The following FGD3 variants were observed in gnomAD, a reference collection of about 807,000 sequenced individuals.
FGD3 encodes the protein FYVE, RhoGEF and PH domain-containing protein 3.
FGD3 carries 45 observed loss-of-function variants against 71.8 expected under a neutral mutation model. That is an observed-to-expected ratio of 0.63 (90% CI 0.49 to 0.80). The LOEUF (loss-of-function observed/expected upper bound fraction) is 0.80, where lower values mean the gene tolerates loss of function less well. Ranked by LOEUF, FGD3 falls within the 30% of genes least tolerant of loss-of-function variation. The pLI is 0.00. For missense variants in FGD3, 844 were observed against 951.5 expected, an observed-to-expected ratio of 0.89 and a Z score of 1.49; for synonymous variants, 378 against 392.8, an observed-to-expected ratio of 0.96 and a Z score of 0.44.
chr9:93,020,905 G>A (rs1038771704), intron 13 of FGD3, among the ~76,000 whole-genome samples: 2 of 152,236 alleles, frequency 1.3e-5, no homozygotes, highest in African/African-American at 4.8e-5. Flanking sequence ...CAGGCCCGTG[G>A]TCAGCGCCCA....
chr9:92,974,319 G>C (rs973803062), intron 1 of FGD3, among the ~76,000 whole-genome samples: 3 of 152,230 alleles, frequency 2.0e-5, no homozygotes, highest in African/African-American at 7.2e-5. Context: ...TGTGCTATGA[G>C]AAGAATGCAG....
chr9:93,013,122 C>G (rs905499776), intron 8 of FGD3, among the ~76,000 whole-genome samples: 13 of 152,334 alleles, frequency 8.5e-5, no homozygotes, highest in Non-Finnish European at 7.3e-5. Flanking sequence ...CTACCCTAGT[C>G]TGCTCCTCTA....
chr9:92,990,630 G>C (rs1165987942), intron 3 of FGD3, among the ~76,000 whole-genome samples: 1 of 152,190 alleles, frequency 6.6e-6, no homozygotes, highest in Admixed American at 6.5e-5. Flanking sequence ...TTATAATAAA[G>C]GGATGCTGAA....
intron 15 of FGD3, 146 bp downstream of exon 15, chr9:93,030,142 T>C (rs1862301061): frequency 3.4e-6 from 3 of 883,942 alleles, no homozygotes; most frequent in Admixed American, 2.9e-5. Context: ...TGGATATAGA[T>C]ACCCTTGAGT....
Position 93,034,668 on chromosome 9 carries a change from A to G in FGD3, c.1913A>G (p.Gln638Arg), listed in dbSNP as rs759215576. The change falls in exon 17 of 18, where the codon CAG (glutamine) becomes CGG (arginine). Residue 638 changes from glutamine (Q) to arginine (R), a missense_variant. Transcript: ENST00000375482. ...TCAGATCCCCAGGTGCTGCACCTGC[A>G]GGGAGGCAGCCAGGTACGTGTCCCC... ...PMSDPQVLHL[Q>R]GGSQDGRLPR... 3 of 1,612,826 alleles carry G rather than the reference A, an allele frequency of 1.9e-6. No individual in the cohort carries two copies. Among genetic ancestry groups the G allele is most frequent in the East Asian group, 2.2e-5 (1 of 44,830 alleles).
At chr9:93,013,165 C>T (rs111434167) in intron 8 of FGD3, among the ~76,000 whole-genome samples, 1 of 152,220 alleles carries the variant, frequency 6.6e-6, no homozygotes, top group African/African-American at 2.4e-5. Context: ...TGGTGCCCCC[C>T]ACACCCTGTG....
At position 93,013,840 on chromosome 9, in the gene FGD3, T is replaced by C; in HGVS notation, c.1036-12T>C. 2 of 1,612,334 alleles carry C rather than the reference T, an allele frequency of 1.2e-6. No homozygotes were observed. The highest frequency in any genetic ancestry group is 1.7e-6 in the Non-Finnish European group (2 of 1,179,314). On this transcript the variant is annotated splice_polypyrimidine_tract_variant and intron_variant, in intron 8 of 17. Transcript: ENST00000375482. ...ACAGACCTTTGGTGCCTGAGTCCCA[T>C]GTCTCTTGCAGGAGAAAATGCACAA...
intron 15 of FGD3, chr9:93,032,494 T>A: frequency 2.5e-6 from 1 of 400,948 alleles, no homozygotes; most frequent in South Asian, 4.2e-5. Flanking sequence ...GCTTGGTGGC[T>A]CTTCACACTC....
At chr9:92,948,156 T>G (rs754276535) in intron 1 of FGD3, among the ~76,000 whole-genome samples, 1 of 152,176 alleles carries the variant, frequency 6.6e-6, no homozygotes, top group Non-Finnish European at 1.5e-5. Context: ...ATAGTCTGCT[T>G]GAAAAAAAGA....
intron 1 of FGD3, among the ~76,000 whole-genome samples, chr9:92,970,024 C>T (rs569296342): frequency 1.3e-5 from 2 of 152,292 alleles, no homozygotes; most frequent in East Asian, 1.9e-4. Context: ...CCTTGCTCAC[C>T]TCAGGCGGCT....
At chr9:93,029,840 C>G in intron 14 of FGD3, 34 bp from the exon 15 acceptor site, 1 of 1,603,180 alleles carries the variant, frequency 6.2e-7, no homozygotes, top group Non-Finnish European at 8.5e-7. Context: ...ACACATGATT[C>G]AGAAGCTGAT....
At chr9:92,992,953 G>A (rs753086442) in intron 3 of FGD3, among the ~76,000 whole-genome samples, 9 of 152,190 alleles carry the variant, frequency 5.9e-5, no homozygotes, top group Non-Finnish European at 8.8e-5. Flanking sequence ...CTATCTGGTT[G>A]GAGGGAGATG....
At chr9:92,949,133 A>C (rs1587805351) in intron 1 of FGD3, among the ~76,000 whole-genome samples, 1 of 152,146 alleles carries the variant, frequency 6.6e-6, no homozygotes, top group Non-Finnish European at 1.5e-5. Flanking sequence ...AGGGGGTCAC[A>C]CATGATCTGG....
chr9:93,006,412 G>A (rs1348514893), intron 6 of FGD3, among the ~76,000 whole-genome samples: 2 of 152,170 alleles, frequency 1.3e-5, no homozygotes, highest in African/African-American at 4.8e-5. Context: ...CATTCCCATC[G>A]GAAAATCGTG....
chr9:93,010,197 AT>A (rs1861255026), intron 6 of FGD3, 48 bp from the exon 7 acceptor site: 1 of 1,547,930 alleles, frequency 6.5e-7, no homozygotes, highest in Non-Finnish European at 8.8e-7. Context: ...TGGGGCTGGC[AT>A]CCACACACGT....
In FGD3 at chr9:92,976,556, A is replaced by G; in HGVS notation, c.300A>G (p.Pro100=). ...FPCEEGLEAG[P]SPTVLGAHAE... The stretch of plus-strand genomic sequence containing the variant: ...GCGAGGAGGGCTTGGAGGCTGGCCC[A>G]AGCCCCACTGTACTGGGGGCGCACG... Residue 100 remains proline (P), a synonymous_variant, in exon 3 of 18, where the codon CCA becomes CCG. Coordinates refer to ENST00000375482, the MANE Select transcript of FGD3 (RefSeq NM_001083536.2). The G allele has an allele frequency of 2.5e-6, 4 of 1,612,618 alleles. No individual in the cohort carries two copies. The highest frequency in any genetic ancestry group is 3.4e-6 in the Non-Finnish European group (4 of 1,179,868).
At chr9:92,968,400 G>A (rs1446236944) in intron 1 of FGD3, among the ~76,000 whole-genome samples, 1 of 151,826 alleles carries the variant, frequency 6.6e-6, no homozygotes, top group Admixed American at 6.6e-5. Flanking sequence ...CCTCTCCGAG[G>A]CCCCTCTGAC....
intron 6 of FGD3, among the ~76,000 whole-genome samples, chr9:93,006,615 T>C (rs913097934): frequency 6.6e-6 from 1 of 152,242 alleles, no homozygotes; most frequent in African/African-American, 2.4e-5. Flanking sequence ...TTGTCTCCTA[T>C]AGGGCTGGTC....
In FGD3 at chr9:93,020,297, T is replaced by G; in HGVS notation, c.1387-20T>G. 6.2e-7 allele frequency: 1 copy of G among 1,601,558 alleles called. No individual in the cohort carries two copies. Among genetic ancestry groups the G allele is most frequent in the Non-Finnish European group, 8.5e-7 (1 of 1,173,754 alleles). On this transcript the variant is annotated intron_variant, in intron 12 of 17. Transcript: ENST00000375482. ...TCCCATGCCCCTTTATAGTCCTCAC[T>G]GTTGTGTTGCTGTGTCCAGATCATC...
Sources: allele counts gnomAD v4.1 joint callset (sites outside exome capture counted in the v4.1 genomes callset), GRCh38; gene constraint gnomAD v4.1.1; transcripts MANE v1.5; gene names NCBI Gene and HGNC (gene_info 2026-07-23, HGNC 2026-07-21).